The following ITGB1 variants were observed in gnomAD, a reference collection of about 807,000 sequenced individuals.
ITGB1 encodes integrin subunit beta 1, also known as integrin beta-1.
ITGB1 carries 24 observed loss-of-function variants against 86.5 expected under a neutral mutation model. That is an observed-to-expected ratio of 0.28 (90% CI 0.20 to 0.39). The LOEUF is 0.39. Among genes scored for constraint, ITGB1 ranks in the 10% least tolerant of loss-of-function variants. The pLI is 1.00. For synonymous variants in ITGB1, 323 were observed against 316.8 expected, an observed-to-expected ratio of 1.02 and a Z score of -0.21; for missense variants, 556 against 946.9, an observed-to-expected ratio of 0.59 and a Z score of 5.42.
chr10:32,950,100 A>ATAT (rs1334493471), intron 1 of ITGB1, among the ~76,000 whole-genome samples: 92 of 152,280 alleles, frequency 6.0e-4, no homozygotes, highest in African/African-American at 2.0e-3. Flanking sequence ...GTATATCATA[A>ATAT]ATGTCTCCTA....
chr10:32,903,495 G>T (rs922704806), intron 15 of ITGB1, among the ~76,000 whole-genome samples: 2 of 151,492 alleles, frequency 1.3e-5, no homozygotes, highest in African/African-American at 4.8e-5. Context: ...ACCAATGAGG[G>T]AAAAACATTA....
intron 15 of ITGB1, among the ~76,000 whole-genome samples, chr10:32,902,988 T>C (rs918075054): frequency 9.9e-5 from 15 of 152,136 alleles, no homozygotes; most frequent in African/African-American, 3.4e-4. Flanking sequence ...AATAGCAATC[T>C]ATGCAAAGTC....
chr10:32,910,756 AT>A (rs57447859), intron 13 of ITGB1, among the ~76,000 whole-genome samples: 9,307 of 150,402 alleles, frequency 0.062, 888 homozygotes, highest in African/African-American at 0.21. Context: ...AATCATAATA[AT>A]TTTTTTTTTG....
chr10:32,908,352 A>G lies in ITGB1; in HGVS notation c.2331+16T>C, dbSNP rs2094902927. The G allele has an allele frequency of 1.9e-6, 3 of 1,613,282 alleles. No homozygotes were observed. The highest frequency in any genetic ancestry group is 1.7e-5 in the Admixed American group (1 of 59,992). On this transcript the variant is annotated intron_variant, in intron 15 of 15. Transcript: ENST00000302278. ...CTTTATAAGCCACTTTGCTTTTTGG[A>G]TGTTTTGTAACTTACCGTGTCCCAT...
intron 14 of ITGB1, among the ~76,000 whole-genome samples, chr10:32,909,138 G>A (rs2094905639): frequency 6.6e-6 from 1 of 152,154 alleles, no homozygotes; most frequent in African/African-American, 2.4e-5. Context: ...TAGCTATAAA[G>A]AAAGCTACAA....
chr10:32,923,847 T>C (rs933144289), intron 6 of ITGB1, 107 bp from the exon 7 acceptor site: 5 of 899,108 alleles, frequency 5.6e-6, no homozygotes, highest in Admixed American at 5.7e-5. Context: ...TAATTCTGTA[T>C]TTTCTGTGTC....
intron 4 of ITGB1, among the ~76,000 whole-genome samples, chr10:32,929,216 T>C (rs1358098482): frequency 8.0e-6 from 1 of 125,178 alleles, no homozygotes; most frequent in African/African-American, 2.7e-5. Flanking sequence ...AAAAAAATCC[T>C]GACAAGGGTC....
In ITGB1 at chr10:32,901,566, G is replaced by A. The variant is rs571783413; in HGVS notation, c.*4C>T. The A allele has an allele frequency of 3.2e-6, 5 of 1,560,882 alleles. No homozygotes were observed. The highest frequency in any genetic ancestry group is 3.4e-5 in the Admixed American group (2 of 58,288). ...CAGTGTTGTGGGATTTGCACGGGCA[G>A]TACTCATTTTCCCTCATACTTCGGA... On this transcript the variant is annotated 3_prime_UTR_variant, in exon 16 of 16. Transcript: ENST00000302278.
At chr10:32,934,706 T>C (rs373754385) in intron 2 of ITGB1, among the ~76,000 whole-genome samples, 184 of 152,362 alleles carry the variant, frequency 1.2e-3, no homozygotes, top group Admixed American at 4.2e-3. Context: ...AATTTTGTTA[T>C]GTCTTTTGCA....
chr10:32,922,139 G>A (rs2094952014), intron 9 of ITGB1, 118 bp downstream of exon 9: 1 of 582,220 alleles, frequency 1.7e-6, no homozygotes, highest in South Asian at 2.7e-5. Context: ...CAGAATTTAA[G>A]TTTTTCTGTA....
rs114701235 is a variant in ITGB1 at position 32,922,642 on chromosome 10, T to C, written c.1036A>G (p.Lys346Glu). 3.0e-5 allele frequency: 47 copies of C among 1,553,772 alleles called. No individual in the cohort carries two copies. The African/African-American group carries it at 6.1e-4, about 20-fold the overall frequency. Residue 346 changes from lysine to glutamate, a missense_variant and splice_region_variant, in exon 8 of 16, where the codon AAG (lysine) becomes GAG (glutamate). Around this residue, in one of 4 missense-constraint regions of ITGB1, gnomAD observed 330 missense variants for 531.5 expected, o/e 0.62. Transcript: ENST00000302278. ...AVTEEFQPVY[K>E]ELKNLIPKSA... Reference sequence around the variant, plus strand: ...TTCTTTTTATCTCACACATTTACCTTGTAAACAGGCTGAAATTCTTCAGTA... The same window carrying C: ...TTCTTTTTATCTCACACATTTACCTCGTAAACAGGCTGAAATTCTTCAGTA...
intron 1 of ITGB1, among the ~76,000 whole-genome samples, chr10:32,950,467 G>T (rs1027064455): frequency 2.6e-5 from 4 of 152,054 alleles, no homozygotes; most frequent in African/African-American, 9.7e-5. Flanking sequence ...CATCTGGCAG[G>T]AAGAGGTGTG....
chr10:32,954,090 CA>C (rs1260513532), intron 1 of ITGB1, among the ~76,000 whole-genome samples: 1 of 152,156 alleles, frequency 6.6e-6, no homozygotes, highest in Non-Finnish European at 1.5e-5. Context: ...CCTATAGCTT[CA>C]ACCAGCAATA....
intron 1 of ITGB1, among the ~76,000 whole-genome samples, chr10:32,947,925 G>T (rs978054240): frequency 6.6e-6 from 1 of 151,952 alleles, no homozygotes; most frequent in African/African-American, 2.4e-5. Flanking sequence ...GTACCTGGGT[G>T]TTACTTGTTA....
chr10:32,934,227 CG>C (rs1452679291), intron 2 of ITGB1, among the ~76,000 whole-genome samples: 1 of 152,034 alleles, frequency 6.6e-6, no homozygotes, highest in African/African-American at 2.4e-5. Flanking sequence ...CAAGCAACCA[CG>C]GATCAAAAAT....
At chr10:32,945,438 A>G (rs185020664) in intron 1 of ITGB1, among the ~76,000 whole-genome samples, 84 of 152,084 alleles carry the variant, frequency 5.5e-4, no homozygotes, top group Non-Finnish European at 7.6e-4. Context: ...CTCTACTAAA[A>G]ACACAAAAAA....
chr10:32,957,560 C>T (rs2095055064), intron 1 of ITGB1, among the ~76,000 whole-genome samples: 1 of 152,106 alleles, frequency 6.6e-6, no homozygotes, highest in South Asian at 2.1e-4. Context: ...GCTCCCGCCG[C>T]CCCCGCCCGC....
chr10:32,914,191 T>A (rs2094924108), intron 11 of ITGB1, among the ~76,000 whole-genome samples: 1 of 152,174 alleles, frequency 6.6e-6, no homozygotes, highest in Non-Finnish European at 1.5e-5. Context: ...GAACAACTGG[T>A]ACCAGCCACT....
chr10:32,921,787 C>A (rs1473703517), intron 9 of ITGB1, among the ~76,000 whole-genome samples: 2 of 151,620 alleles, frequency 1.3e-5, no homozygotes, highest in African/African-American at 4.8e-5. Context: ...TTATGGTATA[C>A]GTATATATGA....
Sources: allele counts gnomAD v4.1 joint callset (sites outside exome capture counted in the v4.1 genomes callset), GRCh38; gene constraint gnomAD v4.1.1; regional missense constraint gnomAD v4.1.1; transcripts MANE v1.5; gene names NCBI Gene and HGNC (gene_info 2026-07-23, HGNC 2026-07-21).